Variants in DCDC1 observed in about 807,000 individuals in gnomAD.
DCDC1 encodes the protein doublecortin domain-containing protein 1.
Under a neutral mutation model 178.3 loss-of-function variants are expected in DCDC1, and 200 were observed. That is an observed-to-expected ratio of 1.12 (90% CI 1.00 to 1.26). The LOEUF (loss-of-function observed/expected upper bound fraction) is 1.26, where lower values mean the gene tolerates loss of function less well. DCDC1 is among the 50% of genes most tolerant of loss of function. The pLI is 0.00. For synonymous variants in DCDC1, 690 were observed against 604.8 expected, an observed-to-expected ratio of 1.14 and a Z score of -2.07; for missense variants, 1,983 against 1,749.2, an observed-to-expected ratio of 1.13 and a Z score of -2.38.
At chr11:31,083,801 T>C (rs993013876) in intron 17 of DCDC1, among the ~76,000 whole-genome samples, 1 of 152,198 alleles carries the variant, frequency 6.6e-6, no homozygotes, top group African/African-American at 2.4e-5. Flanking sequence ...CCTCTGTGCG[T>C]GCATGTGTGT....
chr11:30,991,281 T>A (rs1176759501), intron 20 of DCDC1, among the ~76,000 whole-genome samples: 1 of 151,990 alleles, frequency 6.6e-6, no homozygotes, highest in Non-Finnish European at 1.5e-5. Flanking sequence ...TAATACTAGG[T>A]ATACATTTAT....
intron 1 of DCDC1, among the ~76,000 whole-genome samples, chr11:31,344,114 G>C (rs1950692414): frequency 6.6e-6 from 1 of 152,016 alleles, no homozygotes; most frequent in African/African-American, 2.4e-5. Context: ...CAAAATACAA[G>C]ACTGTAACAG....
At chr11:31,352,659 A>G (rs1320159191) in intron 1 of DCDC1, among the ~76,000 whole-genome samples, 1 of 152,196 alleles carries the variant, frequency 6.6e-6, no homozygotes, top group African/African-American at 2.4e-5. Flanking sequence ...TAATAATAAC[A>G]TGACGAGCTC....
intron 11 of DCDC1, among the ~76,000 whole-genome samples, chr11:31,111,623 A>G (rs1372099694): frequency 1.3e-5 from 2 of 152,132 alleles, no homozygotes; most frequent in Non-Finnish European, 1.5e-5. Context: ...GGTAAACCCA[A>G]CTTTTGCCTG....
chr11:31,257,936 G>A (rs1944525361), intron 8 of DCDC1, among the ~76,000 whole-genome samples: 1 of 152,164 alleles, frequency 6.6e-6, no homozygotes, highest in South Asian at 2.1e-4. Flanking sequence ...TCCCCTAGAG[G>A]AGACAGTATC....
intron 8 of DCDC1, 152 bp from the exon 9 acceptor site, chr11:31,241,768 C>T: frequency 2.6e-6 from 1 of 384,040 alleles, no homozygotes; most frequent in Admixed American, 4.5e-5. Flanking sequence ...TCCTGCGTTA[C>T]TAGTGGCCAC....
rs116889769 is a variant in DCDC1, at chr11:30,926,714, A to G, written c.2898-1306T>C. 2.6e-3 allele frequency among the ~76,000 whole-genome samples: 402 copies of G among 152,334 alleles called. 13 individuals carry two copies. The highest frequency in any genetic ancestry group is 3.3e-3 in the Non-Finnish European group (227 of 68,030). On this transcript the variant is annotated intron_variant, in intron 22 of 38. Transcript: ENST00000684477. ...GCTCATCATCAAGACATAGCTTTATAAAGAATGTTTCTAAATTTTATATCC... is the reference window on the plus strand; with the variant it reads ...GCTCATCATCAAGACATAGCTTTATGAAGAATGTTTCTAAATTTTATATCC...
chr11:30,966,012 T>G (rs1472854202), intron 20 of DCDC1, among the ~76,000 whole-genome samples: 3 of 21,392 alleles, frequency 1.4e-4, no homozygotes, highest in East Asian at 1.5e-3. Context: ...TGTTGGACAT[T>G]TGGGTTGGTT....
chr11:31,172,592 C>A (rs925310422), intron 9 of DCDC1, among the ~76,000 whole-genome samples: 2 of 152,068 alleles, frequency 1.3e-5, no homozygotes, highest in Non-Finnish European at 2.9e-5. Context: ...TGACCAGAAG[C>A]CTTACCAATA....
At chr11:30,897,112 G>T (rs1273537434) in intron 34 of DCDC1, among the ~76,000 whole-genome samples, 1 of 152,066 alleles carries the variant, frequency 6.6e-6, no homozygotes, top group Non-Finnish European at 1.5e-5. Context: ...TGTTTTATAA[G>T]CATGTGTTGA....
intron 36 of DCDC1, among the ~76,000 whole-genome samples, chr11:30,885,711 G>A (rs569509855): frequency 6.6e-6 from 1 of 152,156 alleles, no homozygotes; most frequent in South Asian, 2.1e-4. Context: ...TACAACAGGT[G>A]GATGGATGAG....
intron 9 of DCDC1, among the ~76,000 whole-genome samples, chr11:31,184,757 T>A (rs1433042218): frequency 6.6e-6 from 1 of 152,084 alleles, no homozygotes; most frequent in Non-Finnish European, 1.5e-5. Flanking sequence ...CATTAAAAAG[T>A]CAGGAAACAA....
intron 9 of DCDC1, among the ~76,000 whole-genome samples, chr11:31,189,818 T>C (rs1969933378): frequency 6.6e-6 from 1 of 152,314 alleles, no homozygotes; most frequent in Non-Finnish European, 1.5e-5. Flanking sequence ...CAGGATAGCC[T>C]CCTCATTTCA....
intron 20 of DCDC1, among the ~76,000 whole-genome samples, chr11:31,057,572 G>A (rs514207): frequency 0.13 from 19,034 of 152,006 alleles, 1,398 homozygotes; most frequent in East Asian, 0.29. Flanking sequence ...ATCCTTAAAT[G>A]TACACATCAT....
chr11:31,290,692 C>T lies in DCDC1; in HGVS notation c.915G>A (p.Gly305=). 1 of 1,613,366 alleles carries T rather than the reference C, an allele frequency of 6.2e-7. No individual in the cohort carries two copies. Among genetic ancestry groups the T allele is most frequent in the Non-Finnish European group, 8.5e-7 (1 of 1,179,510 alleles). Residue 305 remains glycine (G), a synonymous_variant, in exon 7 of 39, where the codon GGG becomes GGA. Transcript: ENST00000684477. ...VRILFFKNGM[G]QDGHEITVGK... ...CCACTGTAATCTCATGCCCATCCTG[C>T]CCCATGCCATTCTTAAAGAACAGAA...
chr11:31,008,951 G>A (rs2135098586), intron 20 of DCDC1, among the ~76,000 whole-genome samples: 2 of 152,224 alleles, frequency 1.3e-5, no homozygotes, highest in African/African-American at 4.8e-5. Flanking sequence ...TAACACATGA[G>A]CACTCAAAGC....
intron 9 of DCDC1, among the ~76,000 whole-genome samples, chr11:31,198,775 C>A (rs1970974991): frequency 6.6e-6 from 1 of 152,100 alleles, no homozygotes. Flanking sequence ...TTGGCCTTCT[C>A]AACTATTTTC....
chr11:31,080,969 G>T (rs956743069), intron 17 of DCDC1, among the ~76,000 whole-genome samples: 1 of 152,100 alleles, frequency 6.6e-6, no homozygotes, highest in African/African-American at 2.4e-5. Flanking sequence ...TCGAATTACG[G>T]TGTTGCCTTG....
chr11:31,008,027 G>T (rs1590739893), intron 20 of DCDC1, among the ~76,000 whole-genome samples: 1 of 152,136 alleles, frequency 6.6e-6, no homozygotes, highest in Middle Eastern at 3.2e-3. Flanking sequence ...GAGAAAACCG[G>T]AAGTGCAGAG....
Sources: allele counts gnomAD v4.1 joint callset (sites outside exome capture counted in the v4.1 genomes callset), GRCh38; gene constraint gnomAD v4.1.1; transcripts MANE v1.5; gene names NCBI Gene and HGNC (gene_info 2026-07-23, HGNC 2026-07-21).